The following FAM210A variants were observed in gnomAD, a reference collection of about 807,000 sequenced individuals.
The protein encoded by FAM210A is mitochondrial inner membrane scaffold 1.
In FAM210A, 13 loss-of-function variants were observed where a neutral mutation model predicts 25.3. That is an observed-to-expected ratio of 0.51 (90% CI 0.33 to 0.82). FAM210A has a LOEUF of 0.82. FAM210A is among the 40% of genes least tolerant of loss of function. FAM210A has a pLI of 0.02. For synonymous variants in FAM210A, 125 were observed against 118.7 expected (o/e 1.05, Z -0.35); for missense variants, 319 against 323.2 (o/e 0.99, Z 0.10).
chr18:13,695,648 G>A (rs1180488930), intron 1 of FAM210A, among the ~76,000 whole-genome samples: 1 of 151,050 alleles, frequency 6.6e-6, no homozygotes, highest in Non-Finnish European at 1.5e-5. Flanking sequence ...CTCACTCATA[G>A]GTGGGAACTG....
intron 1 of FAM210A, chr18:13,687,638 C>A (rs2043608496): frequency 6.6e-6 from 1 of 152,192 alleles, no homozygotes; most frequent in South Asian, 2.1e-4. Context: ...GGGCACTGTA[C>A]ATGCAGGTAG....
intron 2 of FAM210A, among the ~76,000 whole-genome samples, chr18:13,678,777 T>C (rs1199306465): frequency 1.3e-5 from 2 of 152,196 alleles, no homozygotes; most frequent in Admixed American, 1.3e-4. Flanking sequence ...TTTACAACTG[T>C]TTCCACAGAT....
chr18:13,672,196 A>G (rs1223609531), intron 2 of FAM210A, among the ~76,000 whole-genome samples: 2 of 152,184 alleles, frequency 1.3e-5, no homozygotes, highest in African/African-American at 4.8e-5. Context: ...TATCGCCTAC[A>G]ACTTCTATTT....
intron 2 of FAM210A, among the ~76,000 whole-genome samples, chr18:13,679,452 T>C (rs1290153920): frequency 1.3e-5 from 2 of 152,240 alleles, no homozygotes; most frequent in African/African-American, 4.8e-5. Flanking sequence ...TTTTCTTTCA[T>C]TCATGAATTT....
At chr18:13,690,303 C>G (rs998814957) in intron 1 of FAM210A, among the ~76,000 whole-genome samples, 10 of 152,344 alleles carry the variant, frequency 6.6e-5, no homozygotes, top group African/African-American at 2.4e-4. Flanking sequence ...GGCCTGCCTG[C>G]CTCTGTAGAC....
At chr18:13,704,943 T>C (rs1231311412) in intron 1 of FAM210A, among the ~76,000 whole-genome samples, 1 of 152,192 alleles carries the variant, frequency 6.6e-6, no homozygotes, top group African/African-American at 2.4e-5. Flanking sequence ...TGTAAAATCC[T>C]AGAATATGGT....
chr18:13,725,191 T>C (rs1022067478), intron 1 of FAM210A, among the ~76,000 whole-genome samples: 1 of 152,234 alleles, frequency 6.6e-6, no homozygotes, highest in Non-Finnish European at 1.5e-5. Flanking sequence ...TGCCTGGTTC[T>C]AATGCTTGTA....
At position 13,663,694 on chromosome 18, in the gene FAM210A, T is replaced by C. The variant is rs979072816; in HGVS notation, c.*2786A>G. 5.3e-5 allele frequency: 8 copies of C among 152,226 alleles called. No individual in the cohort carries two copies. Among genetic ancestry groups the C allele is most frequent in the Non-Finnish European group, 8.8e-5 (6 of 68,106 alleles). The allele number at this position is 152,226 out of a possible 1,614,324, so 9.4% of individuals were successfully genotyped here. ...AGCCAGGCATGGTGGTGTGCACCTGTAGTCCCAGCTACTCAGCAGGCTGAG... is the reference window on the plus strand; with the variant it reads ...AGCCAGGCATGGTGGTGTGCACCTGCAGTCCCAGCTACTCAGCAGGCTGAG... On this transcript the variant is annotated 3_prime_UTR_variant, in exon 4 of 4. Coordinates refer to ENST00000651643, the MANE Select transcript of FAM210A (RefSeq NM_152352.4).
At chr18:13,689,742 G>A (rs763672744) in intron 1 of FAM210A, among the ~76,000 whole-genome samples, 1 of 152,208 alleles carries the variant, frequency 6.6e-6, no homozygotes, top group East Asian at 1.9e-4. Flanking sequence ...TGATATGATT[G>A]TTTTTGTAGA....
intron 1 of FAM210A, among the ~76,000 whole-genome samples, chr18:13,699,462 A>C (rs1167271698): frequency 6.6e-6 from 1 of 152,204 alleles, no homozygotes; most frequent in African/African-American, 2.4e-5. Context: ...TTAAATGTCA[A>C]GTGTACCACT....
intron 1 of FAM210A, among the ~76,000 whole-genome samples, chr18:13,703,370 T>C (rs2043755801): frequency 2.0e-5 from 3 of 152,252 alleles, no homozygotes; most frequent in African/African-American, 7.2e-5. Flanking sequence ...ATAAGACTCC[T>C]ATAGGGGGTG....
chr18:13,675,355 A>T (rs138816976), intron 2 of FAM210A, among the ~76,000 whole-genome samples: 2,889 of 13,272 alleles, frequency 0.22, no homozygotes, highest in Non-Finnish European at 0.26. Flanking sequence ...TGGCTTCTTT[A>T]TTTCCAGTTT....
At chr18:13,695,648 G>C (rs1180488930) in intron 1 of FAM210A, among the ~76,000 whole-genome samples, 2 of 151,052 alleles carry the variant, frequency 1.3e-5, no homozygotes, top group African/African-American at 2.4e-5. Flanking sequence ...CTCACTCATA[G>C]GTGGGAACTG....
At chr18:13,726,190 A>C (rs2043946232) in intron 1 of FAM210A, 139 bp downstream of exon 1, 1 of 152,186 alleles carries the variant, frequency 6.6e-6, no homozygotes, top group African/African-American at 2.4e-5. Context: ...GCAGTCGTAC[A>C]CTGCCACAGC....
intron 1 of FAM210A, among the ~76,000 whole-genome samples, chr18:13,693,092 A>G (rs1249714629): frequency 6.6e-6 from 1 of 152,208 alleles, no homozygotes; most frequent in Non-Finnish European, 1.5e-5. Context: ...CAGAAATACA[A>G]ACTACCATCG....
intron 1 of FAM210A, among the ~76,000 whole-genome samples, chr18:13,706,894 A>T (rs2043782051): frequency 6.6e-6 from 1 of 152,226 alleles, no homozygotes; most frequent in Non-Finnish European, 1.5e-5. Flanking sequence ...TAGACTCTTC[A>T]TTTAGCTCAT....
At chr18:13,710,527 T>G (rs2043813511) in intron 1 of FAM210A, 1 of 152,168 alleles carries the variant, frequency 6.6e-6, no homozygotes, top group South Asian at 2.1e-4. Flanking sequence ...TCATGAGTCA[T>G]GGGGTTCAGC....
At chr18:13,666,758 C>A in intron 3 of FAM210A, 45 bp from the exon 4 acceptor site, 1 of 1,540,452 alleles carries the variant, frequency 6.5e-7, no homozygotes, top group Non-Finnish European at 8.9e-7. Flanking sequence ...CTGGTTATTA[C>A]TGTCATCTTA....
intron 1 of FAM210A, among the ~76,000 whole-genome samples, chr18:13,700,078 CTG>C (rs1168337897): frequency 6.6e-6 from 1 of 152,200 alleles, no homozygotes; most frequent in East Asian, 1.9e-4. Flanking sequence ...AATTCTAACA[CTG>C]TCTTATTTGA....
Sources: allele counts gnomAD v4.1 joint callset (sites outside exome capture counted in the v4.1 genomes callset), GRCh38; gene constraint gnomAD v4.1.1; transcripts MANE v1.5; gene names NCBI Gene and HGNC (gene_info 2026-07-23, HGNC 2026-07-21).